Variants in PRKCA observed in about 807,000 individuals in gnomAD.
PRKCA encodes protein kinase C alpha type.
PRKCA carries 27 observed loss-of-function variants against 87.0 expected under a neutral mutation model. The ratio of observed to expected loss-of-function variants is 0.31; its 90% CI spans 0.23 to 0.43. PRKCA has a LOEUF of 0.43. PRKCA is among the 20% of genes least tolerant of loss of function. The probability of loss-of-function intolerance (pLI) is 1.00; values close to 1 mark genes in which losing one functional copy is unlikely to be tolerated. For synonymous variants in PRKCA, 329 were observed against 311.1 expected (o/e 1.06, Z -0.61); for missense variants, 518 against 852.3 (o/e 0.61, Z 4.88).
At chr17:66,499,566 T>G (rs1340753546) in intron 3 of PRKCA, among the ~76,000 whole-genome samples, 1 of 152,206 alleles carries the variant, frequency 6.6e-6, no homozygotes, top group East Asian at 1.9e-4. Flanking sequence ...TTTATCTTGT[T>G]TGGCTGATCA....
At chr17:66,429,375 A>G (rs995165813) in intron 2 of PRKCA, among the ~76,000 whole-genome samples, 2 of 152,162 alleles carry the variant, frequency 1.3e-5, no homozygotes, top group East Asian at 1.9e-4. Context: ...CTTTCTTTTC[A>G]TGATGGGTTT....
intron 5 of PRKCA, among the ~76,000 whole-genome samples, chr17:66,657,651 A>G (rs1971771713): frequency 1.3e-5 from 2 of 152,080 alleles, no homozygotes; most frequent in African/African-American, 4.8e-5. Context: ...TCGTGGAAGA[A>G]CTCTCACAGG....
chr17:66,507,708 G>A lies in PRKCA; in HGVS notation c.288+11425G>A, dbSNP rs190792832. Among the ~76,000 whole-genome samples the A allele has an allele frequency of 6.4e-3, 976 of 152,246 alleles. 31 individuals carry two copies. The highest frequency in any genetic ancestry group is 0.055 in the Admixed American group (842 of 15,288). On this transcript the variant is annotated intron_variant, in intron 3 of 16. Coordinates refer to ENST00000413366, the MANE Select transcript of PRKCA (RefSeq NM_002737.3). ...GGACATTGGGTTTCTGGAAAGATCC[G>A]TTTCAAGTGTCTACACCCTAAGCTG...
At chr17:66,435,457 T>C (rs551314322) in intron 2 of PRKCA, among the ~76,000 whole-genome samples, 1 of 152,304 alleles carries the variant, frequency 6.6e-6, no homozygotes, top group East Asian at 1.9e-4. Context: ...TGTGTTCTTA[T>C]TGGCAATCGC....
At chr17:66,309,136 C>A (rs1035910960) in intron 2 of PRKCA, among the ~76,000 whole-genome samples, 2 of 151,978 alleles carry the variant, frequency 1.3e-5, no homozygotes, top group Non-Finnish European at 2.9e-5. Context: ...CTTTTTTTAA[C>A]TAGAGGGGTG....
chr17:66,475,557 A>G (rs8074294), intron 2 of PRKCA, among the ~76,000 whole-genome samples: 71,150 of 151,920 alleles, frequency 0.47, 18,051 homozygotes, highest in African/African-American at 0.66. Flanking sequence ...CCAGCTTCCC[A>G]TTTCCCATTT....
At chr17:66,573,998 A>G (rs1717526499) in intron 3 of PRKCA, among the ~76,000 whole-genome samples, 1 of 152,162 alleles carries the variant, frequency 6.6e-6, no homozygotes, top group Non-Finnish European at 1.5e-5. Context: ...ATATGGCCCG[A>G]AGGGTATTAA....
rs563081854 is a variant in PRKCA at position 66,735,470 on chromosome 17, G to A, written c.1057-19G>A. The A allele has an allele frequency of 3.1e-6, 5 of 1,614,176 alleles. No individual in the cohort carries two copies. The highest frequency in any genetic ancestry group is 4.2e-6 in the Non-Finnish European group (5 of 1,180,022). ...ATATGTGCTTACAAGTGTTCAGGTT[G>A]TTCTTGACGTGTTCTCAGGTGATGC... On this transcript the variant is annotated intron_variant, in intron 9 of 16. Coordinates refer to ENST00000413366, the MANE Select transcript of PRKCA (RefSeq NM_002737.3).
In PRKCA at chr17:66,562,851, C is replaced by T. The variant is rs78860423; in HGVS notation, c.288+66568C>T. Among the ~76,000 whole-genome samples the T allele has an allele frequency of 9.9e-3, 1,502 of 152,276 alleles. 29 individuals are homozygous for T. The highest frequency in any genetic ancestry group is 0.034 in the African/African-American group (1,399 of 41,558). ...ACCTCAGATTATCTGCCCACCTCGG[C>T]CTCCCGAAGTGCTGGGATTACAGGC... On this transcript the variant is annotated intron_variant, in intron 3 of 16. Transcript: ENST00000413366.
In PRKCA at chr17:66,684,142, G is replaced by A. The variant is rs78844073; in HGVS notation, c.530-2969G>A. On this transcript the variant is annotated intron_variant, in intron 5 of 16. Coordinates refer to ENST00000413366, the MANE Select transcript of PRKCA (RefSeq NM_002737.3). ...TTCCCCGGCATTTGCTTACCACTCC[G>A]TAAGCTGTTGGTGCAGTTTCTGCAC... Among the ~76,000 whole-genome samples the A allele has an allele frequency of 3.0e-3, 454 of 152,238 alleles. 4 individuals carry two copies. Among genetic ancestry groups the A allele is most frequent in the African/African-American group, 0.01 (434 of 41,544 alleles).
At chr17:66,709,692 T>TTC (rs74439573) in intron 8 of PRKCA, among the ~76,000 whole-genome samples, 1 of 151,312 alleles carries the variant, frequency 6.6e-6, no homozygotes, top group African/African-American at 2.4e-5. Context: ...TTTTTTTTTT[T>TTC]CCCTTTTTCT....
intron 14 of PRKCA, among the ~76,000 whole-genome samples, chr17:66,781,064 G>T (rs771361398): frequency 7.9e-5 from 12 of 152,118 alleles, no homozygotes; most frequent in African/African-American, 2.7e-4. Flanking sequence ...AGCTGAGATC[G>T]CACCACTGCA....
intron 2 of PRKCA, chr17:66,403,992 A>G (rs563526567): frequency 6.6e-6 from 1 of 152,334 alleles, no homozygotes; most frequent in East Asian, 1.9e-4. Flanking sequence ...TGCTTATGCT[A>G]TATGATTTAA....
chr17:66,550,508 G>A lies in PRKCA; in HGVS notation c.288+54225G>A, dbSNP rs568330384. Among the ~76,000 whole-genome samples the A allele has an allele frequency of 5.3e-5, 8 of 152,244 alleles. No homozygotes were observed. In the East Asian group the frequency reaches 1.4e-3, roughly 26 times the overall value. ...TACTAAAAATACAAAAATTAGCTGG[G>A]TGTGGTGGCGGACATCTGTAGTCTC... On this transcript the variant is annotated intron_variant, in intron 3 of 16. Transcript: ENST00000413366.
rs868350366 is a variant in PRKCA, at chr17:66,659,767, G to C, written c.529+14256G>C. On this transcript the variant is annotated intron_variant, in intron 5 of 16. Transcript: ENST00000413366. The stretch of plus-strand genomic sequence containing the variant: ...AAAAAAAGAAGTCACTAATGTGATT[G>C]TTATCACACTGTGCTGGGGTCCGTG... Among the ~76,000 whole-genome samples, 12 of 152,226 alleles carry C rather than the reference G, an allele frequency of 7.9e-5. 1 individual carries two copies. The highest frequency in any genetic ancestry group is 2.9e-4 in the African/African-American group (12 of 41,536).
In PRKCA at chr17:66,687,157, A is replaced by G. The variant is rs1972652385; in HGVS notation, c.576A>G (p.Ser192=). 6.2e-7 allele frequency: 1 copy of G among 1,613,664 alleles called. No individual in the cohort carries two copies. The highest frequency in any genetic ancestry group is 1.3e-5 in the African/African-American group (1 of 74,906). The change falls in exon 6 of 17, where the codon TCA becomes TCG. Residue 192 remains serine (S), a synonymous_variant. Coordinates refer to ENST00000413366, the MANE Select transcript of PRKCA (RefSeq NM_002737.3). ...TCCCTATGGATCCAAACGGGCTTTC[A>G]GATCCTTATGTGAAGCTGAAACTTA... is the stretch of plus-strand genomic sequence containing the variant. The part of the protein sequence containing the change: ...NLIPMDPNGL[S]DPYVKLKLIP...
Position 66,353,127 on chromosome 17 carries a change from A to G in PRKCA, c.205+47000A>G, listed in dbSNP as rs115381168. Among the ~76,000 whole-genome samples the G allele has an allele frequency of 3.7e-3, 565 of 152,298 alleles. 5 individuals are homozygous for G. The highest frequency in any genetic ancestry group is 0.013 in the African/African-American group (533 of 41,568). Reference sequence around the variant, plus strand: ...AGATCTACTACACAGCTGGGTGGCTATGATTTGCATTAAACTAATAAAGTC... The same window carrying G: ...AGATCTACTACACAGCTGGGTGGCTGTGATTTGCATTAAACTAATAAAGTC... On this transcript the variant is annotated intron_variant, in intron 2 of 16. Transcript: ENST00000413366.
intron 8 of PRKCA, among the ~76,000 whole-genome samples, chr17:66,725,290 T>C (rs1973717179): frequency 6.6e-6 from 1 of 152,220 alleles, no homozygotes; most frequent in African/African-American, 2.4e-5. Flanking sequence ...TGCCTTTTTA[T>C]GTTAGTTTGT....
At chr17:66,714,430 C>T (rs1045150386) in intron 8 of PRKCA, among the ~76,000 whole-genome samples, 1 of 152,208 alleles carries the variant, frequency 6.6e-6, no homozygotes, top group Non-Finnish European at 1.5e-5. Flanking sequence ...TCAGGCAGCC[C>T]CTCCTGCTGG....
Sources: allele counts gnomAD v4.1 joint callset (sites outside exome capture counted in the v4.1 genomes callset), GRCh38; gene constraint gnomAD v4.1.1; transcripts MANE v1.5; gene names NCBI Gene and HGNC (gene_info 2026-07-23, HGNC 2026-07-21).